DGKG: variants seen among roughly 807,000 people sequenced by gnomAD.
DGKG encodes the protein DAG kinase gamma.
In DGKG, 78 loss-of-function variants were observed where a neutral mutation model predicts 105.3. The observed-to-expected ratio is 0.74, with a 90% CI of 0.62 to 0.89. The LOEUF (loss-of-function observed/expected upper bound fraction) is 0.89, where lower values mean the gene tolerates loss of function less well. Ranked by LOEUF, DGKG falls within the 40% of genes least tolerant of loss-of-function variation. The pLI, the probability that DGKG is intolerant of heterozygous loss-of-function variation, is 0.00. For missense variants in DGKG, 958 were observed against 1,020.1 expected (o/e 0.94, Z 0.83); for synonymous variants, 346 against 367.1 (o/e 0.94, Z 0.66).
chr3:186,156,489 G>A (rs1010056626), intron 24 of DGKG, among the ~76,000 whole-genome samples: 2 of 152,146 alleles, frequency 1.3e-5, no homozygotes, highest in East Asian at 1.9e-4. Context: ...CCAATAGCAT[G>A]TTATTCAAAT....
In DGKG at chr3:186,268,892, C is replaced by T. The variant is rs1308931996; in HGVS notation, c.1025G>A (p.Gly342Glu). The T allele has an allele frequency of 1.2e-5, 19 of 1,613,834 alleles. No homozygotes were observed. The highest frequency in any genetic ancestry group is 1.3e-5 in the Non-Finnish European group (15 of 1,179,978). The change falls in exon 12 of 25, where the codon GGG becomes GAG. Residue 342 changes from glycine (G) to glutamate (E), a missense_variant. Gly to Glu is a moderately conservative substitution (Grantham distance 98). Around this residue, in one of 2 missense-constraint regions of DGKG, gnomAD observed 643 missense variants for 619.5 expected, o/e 1.04. Coordinates refer to ENST00000265022, the MANE Select transcript of DGKG (RefSeq NM_001346.3). ...CCGGTCACACTTGACGGAGGAGTTCCCTTCCACCCATGCGTGCTGCATCAC... is the reference window on the plus strand; with the variant it reads ...CCGGTCACACTTGACGGAGGAGTTCTCTTCCACCCATGCGTGCTGCATCAC... ...GEVMQHAWVE[G>E]NSSVKCDRCH...
At chr3:186,299,451 G>A (rs1723764252) in intron 3 of DGKG, among the ~76,000 whole-genome samples, 1 of 152,184 alleles carries the variant, frequency 6.6e-6, no homozygotes. Context: ...TTTCTGTTTA[G>A]CACCAGGCTT....
intron 6 of DGKG, among the ~76,000 whole-genome samples, chr3:186,286,139 T>A (rs1271358332): frequency 6.6e-6 from 1 of 152,186 alleles, no homozygotes; most frequent in African/African-American, 2.4e-5. Context: ...TGTTTTAATG[T>A]CTCTGCACCT....
Position 186,268,818 on chromosome 3 carries a change from C to A in DGKG, c.1099G>T (p.Val367Leu). 1 of 1,612,734 alleles carries A rather than the reference C, an allele frequency of 6.2e-7. No individual in the cohort carries two copies. Among genetic ancestry groups the A allele is most frequent in the Non-Finnish European group, 8.5e-7 (1 of 1,179,022 alleles). ...CYQSVTARHC[V>L]WCRMTFHRKC... ...CAACCCACCGTCATCCGGCACCACA[C>A]GCAGTGCCGCGCGGTGACACTCTGG... is the stretch of plus-strand genomic sequence containing the variant. The change falls in exon 12 of 25, where the codon GTG becomes TTG. Residue 367 changes from valine (V) to leucine (L), a missense_variant. Physicochemically the swap from Val to Leu is conservative, Grantham distance 32. Coordinates refer to ENST00000265022, the MANE Select transcript of DGKG (RefSeq NM_001346.3).
intron 5 of DGKG, among the ~76,000 whole-genome samples, chr3:186,290,578 G>A (rs1257981987): frequency 1.3e-5 from 2 of 152,184 alleles, no homozygotes; most frequent in African/African-American, 4.8e-5. Context: ...TGATCTCTGA[G>A]AAGATGAGAT....
At chr3:186,236,523 A>C (rs1167888675) in intron 20 of DGKG, among the ~76,000 whole-genome samples, 1 of 152,244 alleles carries the variant, frequency 6.6e-6, no homozygotes, top group Non-Finnish European at 1.5e-5. Context: ...ATAGCTAATA[A>C]GCGGCAAAGC....
chr3:186,148,585 T>G lies in DGKG; in HGVS notation c.*1505A>C. 1 of 985,428 alleles carries G rather than the reference T, an allele frequency of 1.0e-6. No individual in the cohort carries two copies. The highest frequency in any genetic ancestry group is 1.2e-6 in the Non-Finnish European group (1 of 829,944). The allele number at this position is 985,428 out of a possible 1,614,324, so 61.0% of individuals were successfully genotyped here. A position where few individuals can be genotyped will look rare whatever the true frequency, so the allele number is the denominator to read the frequency against. On this transcript the variant is annotated 3_prime_UTR_variant, in exon 25 of 25. Transcript: ENST00000265022. ...AGAAATGACCCTACTCTGAGATGTG[T>G]GGGTTCTTTTCTCCATTAAATATCT...
intron 20 of DGKG, among the ~76,000 whole-genome samples, chr3:186,213,550 G>C (rs1172563507): frequency 1.3e-5 from 2 of 152,270 alleles, no homozygotes; most frequent in Non-Finnish European, 2.9e-5. Context: ...TTAGGGTTAG[G>C]GCCCAAGATT....
intron 20 of DGKG, among the ~76,000 whole-genome samples, chr3:186,241,010 G>A (rs1355774263): frequency 6.6e-6 from 1 of 152,158 alleles, no homozygotes; most frequent in African/African-American, 2.4e-5. Flanking sequence ...CAGTGAGTGT[G>A]TATAGTCTGT....
chr3:186,272,238 C>T lies in DGKG; in HGVS notation c.999+17G>A. On this transcript the variant is annotated intron_variant, in intron 11 of 24. Transcript: ENST00000265022. ...GGATGAGGCATGCAGTAGAACAAGG[C>T]AGTAGATGTCACCAACCTCACCACT... 2 of 1,591,498 alleles carry T rather than the reference C, an allele frequency of 1.3e-6. No homozygotes were observed. Among genetic ancestry groups the T allele is most frequent in the Non-Finnish European group, 1.7e-6 (2 of 1,159,570 alleles).
chr3:186,156,185 C>A (rs1261073832), intron 24 of DGKG, among the ~76,000 whole-genome samples: 1 of 152,072 alleles, frequency 6.6e-6, no homozygotes, highest in Non-Finnish European at 1.5e-5. Flanking sequence ...AAAATCCCTG[C>A]CCCCAGTGTA....
chr3:186,260,526 A>G lies in DGKG; in HGVS notation c.1350-13T>C, dbSNP rs376516778. 8.5e-5 allele frequency: 135 copies of G among 1,594,610 alleles called. No individual in the cohort carries two copies. The highest frequency in any genetic ancestry group is 1.1e-4 in the Non-Finnish European group (129 of 1,163,072). ...TTTCCGAAGAATTCTATGGAAAAAA[A>G]AAGAAAAGGAGGGAGAGAGAGAGAC... is the stretch of plus-strand genomic sequence containing the variant. On this transcript the variant is annotated splice_polypyrimidine_tract_variant and intron_variant, in intron 15 of 24. Coordinates refer to ENST00000265022, the MANE Select transcript of DGKG (RefSeq NM_001346.3).
intron 1 of DGKG, among the ~76,000 whole-genome samples, chr3:186,321,384 G>C (rs1192078800): frequency 1.3e-5 from 2 of 152,146 alleles, no homozygotes; most frequent in African/African-American, 4.8e-5. Context: ...AGATGGAGTC[G>C]AAAACACTAG....
intron 1 of DGKG, among the ~76,000 whole-genome samples, chr3:186,335,270 T>C (rs1725778164): frequency 2.0e-5 from 3 of 152,076 alleles, no homozygotes; most frequent in East Asian, 1.9e-4. Context: ...AGAAATGGGG[T>C]TTCACCATAT....
In DGKG at chr3:186,288,777, T is replaced by C. The variant is rs710443; in HGVS notation, c.477A>G (p.Val159=). ...PRSSSSESPV[V]YLKDVVCYLS... Reference sequence around the variant, plus strand: ...GGTAGCACACAACATCCTTCAGGTATACCACTGGGGATTCCGAGCTTGAAG... The same window carrying C: ...GGTAGCACACAACATCCTTCAGGTACACCACTGGGGATTCCGAGCTTGAAG... Residue 159 remains valine (V), a synonymous_variant, in exon 6 of 25, where the codon GTA becomes GTG. Transcript: ENST00000265022. 0.69 allele frequency: 1,121,251 copies of C among 1,613,424 alleles called. 390,538 individuals are homozygous for C. Among genetic ancestry groups the C allele is most frequent in the East Asian group, 0.72 (32,248 of 44,836 alleles).
intron 1 of DGKG, among the ~76,000 whole-genome samples, chr3:186,327,905 A>G (rs1725425753): frequency 6.6e-6 from 1 of 152,130 alleles, no homozygotes; most frequent in South Asian, 2.1e-4. Flanking sequence ...GGAAAAAAAG[A>G]GCTGTCTCCT....
Position 186,320,599 on chromosome 3 carries a change from T to C in DGKG, c.-140A>G, listed in dbSNP as rs1359175942. On this transcript the variant is annotated 5_prime_UTR_variant, in exon 2 of 25. The change creates a new upstream start codon in the 5' untranslated region. Transcript: ENST00000265022. ...GGAGACTTCTGGGAGCACTCAAGTG[T>C]ATACAGCAGCAGCAGGCACCTCTCA... 2 of 1,423,204 alleles carry C rather than the reference T, an allele frequency of 1.4e-6. No homozygotes were observed. Among genetic ancestry groups the C allele is most frequent in the Non-Finnish European group, 1.9e-6 (2 of 1,058,272 alleles). 88.2% of individuals were successfully genotyped at this position (1,423,204 alleles called of 1,614,324 possible).
intron 20 of DGKG, among the ~76,000 whole-genome samples, 158 bp downstream of exon 20, chr3:186,242,346 T>G (rs1720728969): frequency 6.6e-6 from 1 of 152,002 alleles, no homozygotes; most frequent in Non-Finnish European, 1.5e-5. Flanking sequence ...TGACACTTTT[T>G]TTTTTCTTGG....
chr3:186,243,893 G>GTA (rs1325137759), intron 19 of DGKG, among the ~76,000 whole-genome samples: 2 of 80,868 alleles, frequency 2.5e-5, no homozygotes, highest in Admixed American at 1.8e-4. Flanking sequence ...GAAAATTTCT[G>GTA]TGTTTTTTTT....
Sources: gnomAD v4.1 joint callset for allele counts (sites outside exome capture counted in the v4.1 genomes callset) on GRCh38, gnomAD v4.1.1 for gene constraint, gnomAD v4.1.1 regional missense constraint, MANE v1.5 for transcripts, NCBI Gene and HGNC (gene_info 2026-07-23, HGNC 2026-07-21) for gene names.